Variants in RBMS3 observed in about 807,000 individuals in gnomAD.
RBMS3 encodes the protein RNA-binding motif, single-stranded-interacting protein 3.
RBMS3 carries 27 observed loss-of-function variants against 66.8 expected under a neutral mutation model. The observed-to-expected ratio is 0.40, with a 90% confidence interval of 0.30 to 0.56. The LOEUF is 0.56. RBMS3 is among the 20% of genes least tolerant of loss of function. RBMS3 has a pLI of 0.40. For missense variants in RBMS3, 513 were observed against 549.5 expected, an observed-to-expected ratio of 0.93 and a Z score of 0.66; for synonymous variants, 188 against 183.0, an observed-to-expected ratio of 1.03 and a Z score of -0.22.
chr3:29,543,111 A>G (rs747509912), intron 3 of RBMS3, among the ~76,000 whole-genome samples: 30 of 152,200 alleles, frequency 2.0e-4, no homozygotes, highest in Admixed American at 1.3e-4. Flanking sequence ...AAGCAGAGTG[A>G]AAGCCATGTT....
intron 8 of RBMS3, among the ~76,000 whole-genome samples, chr3:29,895,302 A>G (rs1164984998): frequency 1.3e-5 from 2 of 151,544 alleles, no homozygotes; most frequent in Non-Finnish European, 3.0e-5. Flanking sequence ...TACATACAGT[A>G]TATTCACTCT....
chr3:29,776,867 T>A (rs1266343603), intron 6 of RBMS3, among the ~76,000 whole-genome samples: 1 of 151,996 alleles, frequency 6.6e-6, no homozygotes. Flanking sequence ...CATTAAATTA[T>A]ACATGTCCAT....
chr3:29,870,531 C>T (rs1022398805), intron 7 of RBMS3, among the ~76,000 whole-genome samples: 1 of 152,112 alleles, frequency 6.6e-6, no homozygotes, highest in African/African-American at 2.4e-5. Context: ...CTTCCTCTCA[C>T]TGTACATTTC....
At chr3:29,479,824 T>C (rs1461237888) in intron 2 of RBMS3, among the ~76,000 whole-genome samples, 1 of 152,178 alleles carries the variant, frequency 6.6e-6, no homozygotes, top group Non-Finnish European at 1.5e-5. Context: ...TCAAGGTCTT[T>C]CAAAAAAATC....
At chr3:29,310,507 A>T (rs2034306308) in intron 1 of RBMS3, among the ~76,000 whole-genome samples, 1 of 148,860 alleles carries the variant, frequency 6.7e-6, no homozygotes, top group African/African-American at 2.5e-5. Flanking sequence ...AATCTTCTGT[A>T]TTTTTTTTTT....
chr3:29,893,612 C>A (rs2060054831), intron 8 of RBMS3, among the ~76,000 whole-genome samples: 1 of 151,450 alleles, frequency 6.6e-6, no homozygotes, highest in African/African-American at 2.4e-5. Context: ...TGTTCACTGC[C>A]TTACAAATAA....
chr3:29,881,493 A>T (rs2059735790), intron 7 of RBMS3, among the ~76,000 whole-genome samples: 1 of 152,204 alleles, frequency 6.6e-6, no homozygotes, highest in Non-Finnish European at 1.5e-5. Flanking sequence ...TAATTTGCCC[A>T]AAGTCACACT....
At chr3:29,434,493 G>A (rs894743178) in intron 1 of RBMS3, among the ~76,000 whole-genome samples, 4 of 152,150 alleles carry the variant, frequency 2.6e-5, no homozygotes, top group Non-Finnish European at 5.9e-5. Context: ...AATGCCATAT[G>A]CTACTGCCAG....
chr3:29,942,059 A>C (rs1363523205), intron 11 of RBMS3, among the ~76,000 whole-genome samples: 1 of 151,862 alleles, frequency 6.6e-6, no homozygotes, highest in Non-Finnish European at 1.5e-5. Flanking sequence ...AAATAACAGA[A>C]AAATAATTAT....
intron 1 of RBMS3, among the ~76,000 whole-genome samples, chr3:29,394,228 C>T (rs1177096547): frequency 6.6e-6 from 1 of 152,196 alleles, no homozygotes; most frequent in Non-Finnish European, 1.5e-5. Context: ...AATAATTCAG[C>T]AATATTTCTC....
chr3:29,287,194 GA>G (rs1438542026), intron 1 of RBMS3, among the ~76,000 whole-genome samples: 1 of 152,038 alleles, frequency 6.6e-6, no homozygotes, highest in African/African-American at 2.4e-5. Context: ...TCGGAAAACG[GA>G]AACAGACATA....
intron 4 of RBMS3, among the ~76,000 whole-genome samples, chr3:29,599,376 T>C (rs1383030442): frequency 6.6e-6 from 1 of 150,610 alleles, no homozygotes. Context: ...TATATAATCC[T>C]ACTATGCACC....
chr3:29,587,476 A>AT (rs2047574131), intron 4 of RBMS3, among the ~76,000 whole-genome samples: 1 of 151,502 alleles, frequency 6.6e-6, no homozygotes, highest in Non-Finnish European at 1.5e-5. Context: ...TATATTTATT[A>AT]TTGTATCTTT....
At chr3:29,303,507 T>G (rs2033812077) in intron 1 of RBMS3, among the ~76,000 whole-genome samples, 1 of 152,048 alleles carries the variant, frequency 6.6e-6, no homozygotes. Context: ...CTGCCTATTT[T>G]GCTTACCTTT....
intron 4 of RBMS3, among the ~76,000 whole-genome samples, chr3:29,683,647 C>G (rs2051594107): frequency 6.6e-6 from 1 of 152,122 alleles, no homozygotes; most frequent in African/African-American, 2.4e-5. Context: ...TTTATTTAAT[C>G]AGGATTGCTA....
intron 1 of RBMS3, among the ~76,000 whole-genome samples, chr3:29,405,112 C>T (rs1227873951): frequency 6.6e-6 from 1 of 152,024 alleles, no homozygotes; most frequent in East Asian, 1.9e-4. Flanking sequence ...AGGACCCAAA[C>T]CCAAGTTTTC....
At chr3:29,337,244 A>T (rs1003448249) in intron 1 of RBMS3, among the ~76,000 whole-genome samples, 11 of 152,096 alleles carry the variant, frequency 7.2e-5, no homozygotes, top group Non-Finnish European at 1.0e-4. Context: ...TATTTGATAC[A>T]AAATGTTAAA....
intron 12 of RBMS3, among the ~76,000 whole-genome samples, chr3:29,950,199 A>G (rs1324689580): frequency 6.6e-6 from 1 of 151,862 alleles, no homozygotes; most frequent in Non-Finnish European, 1.5e-5. Context: ...TGTGGCAAGG[A>G]CAGAGAAAAA....
chr3:29,599,809 T>C (rs1195890984), intron 4 of RBMS3, among the ~76,000 whole-genome samples: 1 of 152,084 alleles, frequency 6.6e-6, no homozygotes, highest in African/African-American at 2.4e-5. Flanking sequence ...ATCACAGAAT[T>C]GTATACTCAG....
Sources: gnomAD v4.1 joint callset for allele counts (sites outside exome capture counted in the v4.1 genomes callset) on GRCh38, gnomAD v4.1.1 for gene constraint, MANE v1.5 for transcripts, NCBI Gene and HGNC (gene_info 2026-07-23, HGNC 2026-07-21) for gene names.